The following FAIM variants were observed in gnomAD, a reference collection of about 807,000 sequenced individuals.
FAIM encodes fas apoptotic inhibitory molecule 1.
In FAIM, 14 loss-of-function variants were observed where a neutral mutation model predicts 21.2. The ratio of observed to expected loss-of-function variants is 0.66; its 90% CI spans 0.44 to 1.03. The LOEUF is 1.03. FAIM is among the 50% of genes least tolerant of loss of function. FAIM has a pLI of 0.00. For missense variants in FAIM, 222 were observed against 247.1 expected (o/e 0.90, Z 0.68); for synonymous variants, 86 against 80.4 (o/e 1.07, Z -0.37).
intron 1 of FAIM, among the ~76,000 whole-genome samples, chr3:138,612,361 A>G (rs2042779741): frequency 6.6e-6 from 1 of 152,078 alleles, no homozygotes; most frequent in African/African-American, 2.4e-5. Context: ...TCGGCCTCCC[A>G]AAGTGCTGGG....
intron 5 of FAIM, among the ~76,000 whole-genome samples, chr3:138,631,791 C>T (rs1343604300): frequency 6.6e-6 from 1 of 152,044 alleles, no homozygotes; most frequent in East Asian, 1.9e-4. Context: ...TTTCAAGGCT[C>T]AATATTAAAA....
At chr3:138,612,096 ATTTTTTTTTTT>A (rs138371254) in intron 1 of FAIM, among the ~76,000 whole-genome samples, 43 of 100,778 alleles carry the variant, frequency 4.3e-4, no homozygotes, top group African/African-American at 1.7e-3. Flanking sequence ...TTGTCTGGCT[ATTTTTTTTTTT>A]TTTTTTTTTT....
rs2042880869 is a variant in FAIM, at chr3:138,621,204, T to C, written c.45-203T>C. ...TAGAAGTAATCGGACTATGTACCCATATATAGTAGTTGTATCTTAAAGGAA... is the reference window on the plus strand; with the variant it reads ...TAGAAGTAATCGGACTATGTACCCACATATAGTAGTTGTATCTTAAAGGAA... On this transcript the variant is annotated intron_variant, in intron 2 of 5. Coordinates refer to ENST00000360570, the MANE Select transcript of FAIM (RefSeq NM_001033031.2). 5.3e-6 allele frequency: 3 copies of C among 566,878 alleles called. No individual in the cohort carries two copies. The African/African-American group carries it at 5.6e-5, about 11-fold the overall frequency. The allele number at this position is 566,878 out of a possible 1,614,324, so 35.1% of individuals were successfully genotyped here.
intron 5 of FAIM, among the ~76,000 whole-genome samples, chr3:138,631,320 C>CA (rs955628023): frequency 2.0e-5 from 3 of 151,796 alleles, no homozygotes; most frequent in Admixed American, 1.3e-4. Flanking sequence ...GAGGCTGAGG[C>CA]AGGAGGACTG....
At chr3:138,618,229 T>C (rs907836629) in intron 1 of FAIM, among the ~76,000 whole-genome samples, 4 of 152,046 alleles carry the variant, frequency 2.6e-5, no homozygotes, top group Non-Finnish European at 4.4e-5. Context: ...TCCTTAAGAG[T>C]AGAAAAGTTC....
chr3:138,609,567 TCTCTCTCTCGA>T (rs2042738313), intron 1 of FAIM, among the ~76,000 whole-genome samples: 1 of 93,418 alleles, frequency 1.1e-5, no homozygotes, highest in Non-Finnish European at 2.1e-5. Flanking sequence ...TCTCTCTCTC[TCTCTCTCTCGA>T]CTCTCTCTCT....
At chr3:138,613,245 C>G (rs1368480305) in intron 1 of FAIM, among the ~76,000 whole-genome samples, 1 of 152,026 alleles carries the variant, frequency 6.6e-6, no homozygotes, top group Non-Finnish European at 1.5e-5. Context: ...GTCTCGGACT[C>G]CTGACCTCAG....
In FAIM at chr3:138,632,983, C is replaced by T; in HGVS notation, c.510C>T (p.Asp170=). Residue 170 remains aspartate (D), a synonymous_variant, in exon 6 of 6, where the codon GAC becomes GAT. Transcript: ENST00000360570. ...CTCACTTCAGTATCGGGAACCATGA[C>T]TGTTACATAAAGGCTGTCAGTAGTG... is the stretch of plus-strand genomic sequence containing the variant. ...TETHFSIGNH[D]CYIKAVSSGK... The T allele has an allele frequency of 6.2e-7, 1 of 1,613,698 alleles. No individual in the cohort carries two copies. The highest frequency in any genetic ancestry group is 8.5e-7 in the Non-Finnish European group (1 of 1,179,818).
chr3:138,620,123 A>G (rs2042868726), intron 2 of FAIM, among the ~76,000 whole-genome samples: 1 of 152,242 alleles, frequency 6.6e-6, no homozygotes, highest in East Asian at 1.9e-4. Context: ...TTAAGAGAAC[A>G]GGCTTTGGAG....
In FAIM at chr3:138,632,948, G is replaced by A; in HGVS notation, c.475G>A (p.Gly159Arg). ...GCTCCAGGGTGAGTTTGTAGATGAT[G>A]GGACTGAAACTCACTTCAGTATCGG... ...LETAGEFVDDGTETHFSIGNH... is the reference protein window; with the variant it reads ...LETAGEFVDDRTETHFSIGNH... Residue 159 changes from glycine (G) to arginine (R), a missense_variant, in exon 6 of 6, where the codon GGG (glycine) becomes AGG (arginine). Physicochemically the swap from Gly to Arg is moderately radical, Grantham distance 125. Transcript: ENST00000360570. The A allele has an allele frequency of 6.2e-7, 1 of 1,612,774 alleles. No homozygotes were observed. Among genetic ancestry groups the A allele is most frequent in the East Asian group, 2.2e-5 (1 of 44,810 alleles).
intron 1 of FAIM, among the ~76,000 whole-genome samples, chr3:138,618,366 TTCTTTAATA>T (rs1476467598): frequency 6.6e-6 from 1 of 152,152 alleles, no homozygotes; most frequent in African/African-American, 2.4e-5. Flanking sequence ...TGCTAATTTC[TTCTTTAATA>T]TCTTTTTGGC....
At chr3:138,629,215 G>A in intron 5 of FAIM, 59 bp downstream of exon 5, 1 of 1,342,056 alleles carries the variant, frequency 7.5e-7, no homozygotes, top group Admixed American at 1.9e-5. Flanking sequence ...TTGAATTGTT[G>A]CTGCATTTCC....
rs987626964 is a variant in FAIM at position 138,630,662 on chromosome 3, A to C, written c.456+1506A>C. 5 of 152,252 alleles carry C rather than the reference A, an allele frequency of 3.3e-5. No individual in the cohort carries two copies. In the South Asian group the frequency reaches 1.0e-3, roughly 32 times the overall value. 9.4% of individuals were successfully genotyped at this position (152,252 alleles called of 1,614,324 possible). ...GGCCCCCTTTGGAAAAACTCCAGTT[A>C]CCACTAACATGGATCAGATACCTAC... On this transcript the variant is annotated intron_variant, in intron 5 of 5. Coordinates refer to ENST00000360570, the MANE Select transcript of FAIM (RefSeq NM_001033031.2).
rs200351586 is a variant in FAIM, at chr3:138,633,015, G to A, written c.542G>A (p.Arg181Gln). Residue 181 changes from arginine (R) to glutamine (Q), a missense_variant, in exon 6 of 6, where the codon CGG (arginine) becomes CAG (glutamine). Physicochemically the swap from Arg to Gln is conservative, Grantham distance 43 (BLOSUM62 1). Coordinates refer to ENST00000360570, the MANE Select transcript of FAIM (RefSeq NM_001033031.2). The part of the protein sequence containing the change: ...CYIKAVSSGK[R>Q]KEGIIHTLIV... Reference sequence around the variant, plus strand: ...ATAAAGGCTGTCAGTAGTGGGAAGCGGAAAGAAGGGATTATTCATACTCTC... The same window carrying A: ...ATAAAGGCTGTCAGTAGTGGGAAGCAGAAAGAAGGGATTATTCATACTCTC... 140 of 1,613,646 alleles carry A rather than the reference G, an allele frequency of 8.7e-5. 1 individual carries two copies. The highest frequency in any genetic ancestry group is 3.2e-4 in the Admixed American group (19 of 59,982).
At chr3:138,626,686 T>C (rs990133945) in intron 4 of FAIM, among the ~76,000 whole-genome samples, 2 of 152,190 alleles carry the variant, frequency 1.3e-5, no homozygotes, top group Non-Finnish European at 1.5e-5. Context: ...AGGACACATA[T>C]TATATTAGTA....
chr3:138,631,772 G>A (rs866175360), intron 5 of FAIM, among the ~76,000 whole-genome samples: 3 of 152,044 alleles, frequency 2.0e-5, no homozygotes, highest in Non-Finnish European at 2.9e-5. Context: ...CCTTTCTTCC[G>A]AAGTCTTTTT....
At chr3:138,629,202 C>T (rs758102264) in intron 5 of FAIM, 46 bp downstream of exon 5, 3 of 1,434,114 alleles carry the variant, frequency 2.1e-6, no homozygotes, top group East Asian at 4.6e-5. Flanking sequence ...GTCTCAGTTA[C>T]CATTGAATTG....
In FAIM at chr3:138,622,878, A is replaced by C. The variant is rs142151359; in HGVS notation, c.406+462A>C. ...ACATGGTGAAACCCCGTCCCTACTAAAAATACAAAAATTAGCAGGACATAG... is the reference window on the plus strand; with the variant it reads ...ACATGGTGAAACCCCGTCCCTACTACAAATACAAAAATTAGCAGGACATAG... On this transcript the variant is annotated intron_variant, in intron 4 of 5. Transcript: ENST00000360570. Among the ~76,000 whole-genome samples, 432 of 152,194 alleles carry C rather than the reference A, an allele frequency of 2.8e-3. 4 individuals are homozygous for C. Among genetic ancestry groups the C allele is most frequent in the African/African-American group, 0.01 (417 of 41,542 alleles).
intron 3 of FAIM, 75 bp downstream of exon 3, chr3:138,621,614 A>G: frequency 7.2e-7 from 1 of 1,389,334 alleles, no homozygotes; most frequent in Non-Finnish European, 9.9e-7. Context: ...GCATCTTCAT[A>G]TGTGAATTCA....
Sources: gnomAD v4.1 joint callset for allele counts (sites outside exome capture counted in the v4.1 genomes callset) on GRCh38, gnomAD v4.1.1 for gene constraint, MANE v1.5 for transcripts, NCBI Gene and HGNC (gene_info 2026-07-23, HGNC 2026-07-21) for gene names.